Variants in SKAP1 observed in about 807,000 individuals in gnomAD.
The protein encoded by SKAP1 is src kinase associated phosphoprotein 1, also known as src kinase-associated phosphoprotein 1.
A neutral mutation model predicts 58.5 loss-of-function variants in SKAP1; 44 were observed. That is an observed-to-expected ratio of 0.75 (90% confidence interval 0.59 to 0.97). The LOEUF (loss-of-function observed/expected upper bound fraction) is 0.97. Ranked by LOEUF, SKAP1 falls within the 50% of genes least tolerant of loss-of-function variation. SKAP1 has a pLI of 0.00. For missense variants in SKAP1, 390 were observed against 435.2 expected (o/e 0.90, Z 0.92); for synonymous variants, 127 against 149.7 (o/e 0.85, Z 1.11).
chr17:48,344,863 T>C (rs2066702093), intron 4 of SKAP1, among the ~76,000 whole-genome samples: 1 of 152,236 alleles, frequency 6.6e-6, no homozygotes, highest in Admixed American at 6.5e-5. Flanking sequence ...TAACAATCAA[T>C]GGATAAAGTA....
intron 3 of SKAP1, among the ~76,000 whole-genome samples, chr17:48,357,606 G>A (rs569274252): frequency 2.0e-5 from 3 of 152,084 alleles, no homozygotes; most frequent in Admixed American, 2.0e-4. Flanking sequence ...CTCCAGCCTG[G>A]GTGACAGAGC....
In SKAP1 at chr17:48,311,521, T is replaced by C. The variant is rs1318244139; in HGVS notation, c.280+34384A>G. On this transcript the variant is annotated intron_variant, in intron 4 of 12. Transcript: ENST00000336915. ...GTAAGAGGTGGAGCAGCAAGGGATG[T>C]TGTAAATAGAAAATGAACTCTGAAC... Among the ~76,000 whole-genome samples the C allele has an allele frequency of 6.6e-5, 10 of 152,110 alleles. No homozygotes were observed. In the East Asian group the frequency reaches 1.5e-3, roughly 23 times the overall value.
chr17:48,193,134 C>A (rs1287729940), intron 4 of SKAP1, among the ~76,000 whole-genome samples: 9 of 152,132 alleles, frequency 5.9e-5, no homozygotes, highest in Admixed American at 5.2e-4. Flanking sequence ...CTCCACCTCC[C>A]GGGTTCAAGC....
chr17:48,151,230 A>G (rs1030939137), intron 11 of SKAP1, among the ~76,000 whole-genome samples: 2 of 152,196 alleles, frequency 1.3e-5, no homozygotes, highest in African/African-American at 4.8e-5. Context: ...CAGCTACCCC[A>G]GGACATATCT....
chr17:48,289,104 T>A (rs2065869480), intron 4 of SKAP1, among the ~76,000 whole-genome samples: 1 of 152,120 alleles, frequency 6.6e-6, no homozygotes, highest in Admixed American at 6.5e-5. Context: ...ATACTTCCCA[T>A]CAGCACAAGA....
At chr17:48,170,868 G>A (rs1033267046) in intron 9 of SKAP1, among the ~76,000 whole-genome samples, 1 of 151,910 alleles carries the variant, frequency 6.6e-6, no homozygotes, top group African/African-American at 2.4e-5. Flanking sequence ...CCACCACCAC[G>A]CCTAATTTTT....
At chr17:48,297,492 C>T (rs1385099190) in intron 4 of SKAP1, among the ~76,000 whole-genome samples, 13 of 152,164 alleles carry the variant, frequency 8.5e-5, no homozygotes, top group Admixed American at 7.2e-4. Flanking sequence ...ATAGATAGTA[C>T]AAAACTTCTA....
chr17:48,390,165 G>A (rs1421571807), intron 2 of SKAP1, among the ~76,000 whole-genome samples: 1 of 152,108 alleles, frequency 6.6e-6, no homozygotes, highest in African/African-American at 2.4e-5. Context: ...TACAGGCTGG[G>A]TCCATATCAG....
upstream of SKAP1, among the ~76,000 whole-genome samples, chr17:48,434,064 G>T (rs1009991697): frequency 6.6e-6 from 1 of 152,222 alleles, no homozygotes; most frequent in Admixed American, 6.5e-5. Context: ...TTCTGAGCTG[G>T]TTATTGATCC....
chr17:48,161,173 G>A (rs1426939986), intron 11 of SKAP1, among the ~76,000 whole-genome samples: 1 of 152,114 alleles, frequency 6.6e-6, no homozygotes, highest in Non-Finnish European at 1.5e-5. Flanking sequence ...GGTGCTTATG[G>A]TATATCTCAA....
chr17:48,202,803 T>C (rs116696282), intron 4 of SKAP1, among the ~76,000 whole-genome samples: 23 of 152,320 alleles, frequency 1.5e-4, no homozygotes, highest in African/African-American at 5.5e-4. Context: ...AAAAAAACTT[T>C]AGTACCAAAT....
At chr17:48,150,849 G>T (rs1183981614) in intron 11 of SKAP1, among the ~76,000 whole-genome samples, 1 of 152,186 alleles carries the variant, frequency 6.6e-6, no homozygotes. Flanking sequence ...GAAACGGTTT[G>T]CTCTTTTCCC....
rs143241573 is a variant in SKAP1, at chr17:48,299,287, C to T, written c.280+46618G>A. On this transcript the variant is annotated intron_variant, in intron 4 of 12. Coordinates refer to ENST00000336915, the MANE Select transcript of SKAP1 (RefSeq NM_003726.4). ...CCTTTTCTAAAGTTCCTGTCTATTT[C>T]GTTTTGTCTTTGTGGTGTCAATGTA... is the stretch of plus-strand genomic sequence containing the variant. 5.3e-4 allele frequency among the ~76,000 whole-genome samples: 81 copies of T among 152,286 alleles called. 1 individual carries two copies. The highest frequency in any genetic ancestry group is 1.4e-3 in the African/African-American group (57 of 41,548).
At chr17:48,226,945 C>A (rs1445414295) in intron 4 of SKAP1, among the ~76,000 whole-genome samples, 1 of 152,156 alleles carries the variant, frequency 6.6e-6, no homozygotes, top group East Asian at 1.9e-4. Flanking sequence ...AACTCCATAC[C>A]TTCCAGTTTG....
At chr17:48,216,969 T>C (rs1347759486) in intron 4 of SKAP1, among the ~76,000 whole-genome samples, 1 of 152,182 alleles carries the variant, frequency 6.6e-6, no homozygotes, top group East Asian at 1.9e-4. Context: ...CAGCGTTTCA[T>C]GTGTTGAGAG....
intron 4 of SKAP1, among the ~76,000 whole-genome samples, chr17:48,250,069 T>C (rs1256911443): frequency 6.6e-6 from 1 of 151,348 alleles, no homozygotes; most frequent in Admixed American, 6.6e-5. Context: ...CACATACTCA[T>C]TCCTCAATTT....
chr17:48,223,669 C>T (rs1267534351), intron 4 of SKAP1, among the ~76,000 whole-genome samples: 2 of 152,114 alleles, frequency 1.3e-5, no homozygotes, highest in African/African-American at 4.8e-5. Context: ...CTATCACATG[C>T]ATTTGAAAAT....
intron 1 of SKAP1, among the ~76,000 whole-genome samples, chr17:48,415,092 T>G (rs1022735239): frequency 8.5e-5 from 13 of 152,200 alleles, no homozygotes; most frequent in Admixed American, 2.6e-4. Flanking sequence ...AAAGTTCACT[T>G]CAATCAACCT....
At chr17:48,274,256 C>T (rs543049874) in intron 4 of SKAP1, among the ~76,000 whole-genome samples, 28 of 151,920 alleles carry the variant, frequency 1.8e-4, no homozygotes, top group African/African-American at 6.5e-4. Context: ...ATTAGCTGGG[C>T]ATGGTGGCAC....
Sources: gnomAD v4.1 joint callset for allele counts (sites outside exome capture counted in the v4.1 genomes callset) on GRCh38, gnomAD v4.1.1 for gene constraint, MANE v1.5 for transcripts, NCBI Gene and HGNC (gene_info 2026-07-23, HGNC 2026-07-21) for gene names.